The following RPRD2 variants were observed in gnomAD, a reference collection of about 807,000 sequenced individuals.
RPRD2 encodes the protein regulation of nuclear pre-mRNA domain-containing protein 2.
In RPRD2, 12 loss-of-function variants were observed where a neutral mutation model predicts 104.4. The observed-to-expected ratio is 0.11, with a 90% CI of 0.07 to 0.19. RPRD2 has a LOEUF of 0.19. Among genes scored for constraint, RPRD2 ranks in the 10% least tolerant of loss-of-function variants. The pLI is 1.00. For synonymous variants in RPRD2, 714 were observed against 684.9 expected (o/e 1.04, Z -0.66); for missense variants, 1,543 against 1,790.1 (o/e 0.86, Z 2.49).
At position 150,364,652 on chromosome 1, in the gene RPRD2, G is replaced by T. The variant is rs1659688829; in HGVS notation, c.-63G>T. On this transcript the variant is annotated 5_prime_UTR_variant, in exon 1 of 11. Transcript: ENST00000369068. ...CGCACTCGCAGTGATTGTTTTGCCC[G>T]CTCCCGCCGCCGCCGCCGCCGCCGC... is the stretch of plus-strand genomic sequence containing the variant. The T allele has an allele frequency of 5.8e-6, 5 of 863,652 alleles. No individual in the cohort carries two copies. The highest frequency in any genetic ancestry group is 8.9e-6 in the Non-Finnish European group (5 of 560,662). The allele number at this position is 863,652 out of a possible 1,614,324, so 53.5% of individuals were successfully genotyped here. A position where few individuals can be genotyped will look rare whatever the true frequency, so the allele number is the denominator to read the frequency against.
chr1:150,369,485 C>T (rs1660116755), intron 1 of RPRD2, among the ~76,000 whole-genome samples: 1 of 100,820 alleles, frequency 9.9e-6, no homozygotes, highest in Non-Finnish European at 1.8e-5. Context: ...GAGACGGAGT[C>T]TTGCTCTGTC....
chr1:150,402,003 A>G (rs587758305), intron 1 of RPRD2, among the ~76,000 whole-genome samples: 10 of 146,622 alleles, frequency 6.8e-5, no homozygotes, highest in Admixed American at 2.8e-4. Flanking sequence ...ACTGTCACCC[A>G]GGCTGGAGTG....
intron 1 of RPRD2, among the ~76,000 whole-genome samples, chr1:150,365,154 T>G (rs978087103): frequency 1.3e-5 from 2 of 152,218 alleles, no homozygotes; most frequent in Non-Finnish European, 2.9e-5. Context: ...CTTGGGCCGT[T>G]GGGCCCAGAT....
intron 1 of RPRD2, among the ~76,000 whole-genome samples, chr1:150,373,999 A>G (rs868984055): frequency 6.6e-6 from 1 of 152,180 alleles, no homozygotes; most frequent in Non-Finnish European, 1.5e-5. Flanking sequence ...CTTCAAGGTG[A>G]TAAGTGTCAT....
chr1:150,471,924 C>G lies in RPRD2; in HGVS notation c.2976C>G (p.Gly992=), dbSNP rs587663000. The G allele has an allele frequency of 6.2e-7, 1 of 1,613,894 alleles. No individual in the cohort carries two copies. Among genetic ancestry groups the G allele is most frequent in the Non-Finnish European group, 8.5e-7 (1 of 1,179,862 alleles). The part of the protein sequence containing the change: ...AAPTGHPPTS[G]VEKVLASTIS... ...CCACGGGTCACCCACCCACGTCAGG[C>G]GTGGAGAAAGTCCTGGCCTCCACCA... Residue 992 remains glycine (G), a synonymous_variant, in exon 11 of 11, where the codon GGC becomes GGG. Coordinates refer to ENST00000369068, the MANE Select transcript of RPRD2 (RefSeq NM_015203.5). This position sits in a 1 kb window ranked among gnomAD's most constrained non-coding sequence, Gnocchi z 5.3.
intron 1 of RPRD2, among the ~76,000 whole-genome samples, chr1:150,402,978 A>AC (rs34906286): frequency 0.058 from 8,771 of 151,562 alleles, 413 homozygotes; most frequent in Non-Finnish European, 0.092. Context: ...CAAAAAAACA[A>AC]AAACAAAAAA....
At position 150,472,408 on chromosome 1, in the gene RPRD2, G is replaced by T; in HGVS notation, c.3460G>T (p.Gly1154Trp). The change falls in exon 11 of 11, where the codon GGG becomes TGG. Residue 1154 changes from glycine (G) to tryptophan (W), a missense_variant. Physicochemically the swap from Gly to Trp is radical, Grantham distance 184 (BLOSUM62 -2). Coordinates refer to ENST00000369068, the MANE Select transcript of RPRD2 (RefSeq NM_015203.5). ...CTCTGAGTTGGCATCCCTTGGGGGT[G>T]GGGGCAGCGGAGGCCTCACTGGCTT... Reference protein sequence around the residue: ...SASELASLGGGGSGGLTGFKT... With the variant: ...SASELASLGGWGSGGLTGFKT... The T allele has an allele frequency of 6.2e-7, 1 of 1,613,966 alleles. No homozygotes were observed. The highest frequency in any genetic ancestry group is 8.5e-7 in the Non-Finnish European group (1 of 1,179,870).
intron 1 of RPRD2, among the ~76,000 whole-genome samples, chr1:150,374,276 C>A (rs587672623): frequency 6.6e-6 from 1 of 152,270 alleles, no homozygotes; most frequent in Admixed American, 6.5e-5. Flanking sequence ...TATGGAGGTT[C>A]CTGGAGGTTG....
At chr1:150,404,367 C>T (rs775349110) in intron 1 of RPRD2, among the ~76,000 whole-genome samples, 1 of 152,150 alleles carries the variant, frequency 6.6e-6, no homozygotes, top group East Asian at 1.9e-4. Context: ...CCACCTCAGC[C>T]TCCCGAGTAG....
intron 2 of RPRD2, among the ~76,000 whole-genome samples, chr1:150,432,812 T>TA (rs1199164621): frequency 1.3e-5 from 2 of 151,782 alleles, no homozygotes; most frequent in African/African-American, 2.4e-5. Context: ...ATTCCGTCTC[T>TA]AAAAAAACAT....
chr1:150,376,589 C>T (rs1303961636), intron 1 of RPRD2, among the ~76,000 whole-genome samples: 2 of 151,778 alleles, frequency 1.3e-5, no homozygotes, highest in Non-Finnish European at 2.9e-5. Flanking sequence ...CAAGCTCCGC[C>T]TCCCGGGTTC....
chr1:150,370,763 A>T (rs1233937111), intron 1 of RPRD2, among the ~76,000 whole-genome samples: 4 of 151,812 alleles, frequency 2.6e-5, no homozygotes, highest in Non-Finnish European at 4.4e-5. Flanking sequence ...TTTTGTAGAG[A>T]TGGGGTTTTG....
chr1:150,449,828 A>G (rs1313215545), intron 7 of RPRD2, among the ~76,000 whole-genome samples: 3 of 152,122 alleles, frequency 2.0e-5, no homozygotes, highest in Non-Finnish European at 2.9e-5. Flanking sequence ...ATTCTCAGCT[A>G]TTGATCTCAA....
Position 150,443,248 on chromosome 1 carries a change from G to C in RPRD2, c.532G>C (p.Ala178Pro), listed in dbSNP as rs1208467479. ...KKSQTSTNPK[A>P]ALKSKIVAEF... ...TCCAACAGCATCTACAAATCCAAAA[G>C]CTGCTCTCAAGTCTAAGATAGTTGC... The change falls in exon 5 of 11, where the codon GCT (alanine) becomes CCT (proline). Residue 178 changes from alanine (A) to proline (P), a missense_variant. Ala to Pro is a conservative substitution (Grantham distance 27). Around this residue, in one of 4 missense-constraint regions of RPRD2, gnomAD observed 572 missense variants for 787.3 expected, o/e 0.73. Coordinates refer to ENST00000369068, the MANE Select transcript of RPRD2 (RefSeq NM_015203.5). 6.3e-7 allele frequency: 1 copy of C among 1,577,594 alleles called. No homozygotes were observed. The highest frequency in any genetic ancestry group is 2.3e-5 in the East Asian group (1 of 43,988).
At chr1:150,437,506 A>G (rs1346615127) in intron 2 of RPRD2, among the ~76,000 whole-genome samples, 1 of 152,112 alleles carries the variant, frequency 6.6e-6, no homozygotes, top group Non-Finnish European at 1.5e-5. Flanking sequence ...TAACATATGG[A>G]TATTGTTTTT....
At chr1:150,435,682 G>A (rs1665942323) in intron 2 of RPRD2, among the ~76,000 whole-genome samples, 2 of 152,340 alleles carry the variant, frequency 1.3e-5, no homozygotes, top group Non-Finnish European at 1.5e-5. Flanking sequence ...AGGTTCATGA[G>A]ATTTAAGGAA....
At chr1:150,365,944 A>T (rs1659813241) in intron 1 of RPRD2, among the ~76,000 whole-genome samples, 2 of 152,174 alleles carry the variant, frequency 1.3e-5, no homozygotes, top group African/African-American at 4.8e-5. Flanking sequence ...AGTTGATCTC[A>T]TGGGTAATGT....
At chr1:150,431,609 T>C (rs1269590343) in intron 2 of RPRD2, among the ~76,000 whole-genome samples, 1 of 150,864 alleles carries the variant, frequency 6.6e-6, no homozygotes, top group Non-Finnish European at 1.5e-5. Flanking sequence ...GCCTTCTGAG[T>C]AGCTGGGATT....
At chr1:150,383,460 G>A (rs1464138694) in intron 1 of RPRD2, among the ~76,000 whole-genome samples, 1 of 151,856 alleles carries the variant, frequency 6.6e-6, no homozygotes, top group Non-Finnish European at 1.5e-5. Context: ...GATTACAGAT[G>A]CGCGTGCCAC....
Sources: gnomAD v4.1 joint callset for allele counts (sites outside exome capture counted in the v4.1 genomes callset) on GRCh38, gnomAD v4.1.1 for gene constraint, gnomAD v4.1.1 regional missense constraint, Gnocchi (gnomAD v3.1) non-coding constraint, MANE v1.5 for transcripts, NCBI Gene and HGNC (gene_info 2026-07-23, HGNC 2026-07-21) for gene names.